DAB1: variants seen among roughly 807,000 people sequenced by gnomAD.
DAB1 encodes the protein DAB adaptor protein 1.
Under a neutral mutation model 64.6 loss-of-function variants are expected in DAB1, and 15 were observed. That is an observed-to-expected ratio of 0.23 (90% CI 0.16 to 0.36). The LOEUF is 0.36. DAB1 is among the 10% of genes least tolerant of loss of function. The pLI is 1.00. For synonymous variants in DAB1, 235 were observed against 251.9 expected, an observed-to-expected ratio of 0.93 and a Z score of 0.64; for missense variants, 596 against 706.7, an observed-to-expected ratio of 0.84 and a Z score of 1.78.
At chr1:57,610,344 G>C (rs182723653) in intron 7 of DAB1, among the ~76,000 whole-genome samples, 1 of 152,250 alleles carries the variant, frequency 6.6e-6, no homozygotes, top group South Asian at 2.1e-4. Context: ...GCACTAATCT[G>C]AGCACTGTAC....
upstream of DAB1, among the ~76,000 whole-genome samples, chr1:57,424,972 C>T (rs1472322293): frequency 6.6e-6 from 1 of 152,196 alleles, no homozygotes; most frequent in Non-Finnish European, 1.5e-5. Flanking sequence ...AGCGAGTACA[C>T]AGTCAGTTGC....
At chr1:57,618,410 CAAAA>C (rs11284763) in intron 7 of DAB1, among the ~76,000 whole-genome samples, 59,810 of 120,264 alleles carry the variant, frequency 0.5, 13,483 homozygotes, top group Admixed American at 0.57. Context: ...GTGAGACTGT[CAAAA>C]AAAAAAAAAA....
chr1:57,733,029 C>A (rs898373498), intron 6 of DAB1, among the ~76,000 whole-genome samples: 1 of 152,148 alleles, frequency 6.6e-6, no homozygotes, highest in African/African-American at 2.4e-5. Context: ...GGTGCCTACT[C>A]TTTCCAACAA....
At chr1:57,226,327 A>T (rs1216483440) in intron 2 of DAB1, among the ~76,000 whole-genome samples, 1 of 152,140 alleles carries the variant, frequency 6.6e-6, no homozygotes, top group Non-Finnish European at 1.5e-5. Context: ...GCCCAAACTA[A>T]CATCCTCCCA....
At chr1:57,250,413 C>T (rs551452978) in intron 2 of DAB1, among the ~76,000 whole-genome samples, 1 of 152,182 alleles carries the variant, frequency 6.6e-6, no homozygotes, top group African/African-American at 2.4e-5. Flanking sequence ...TGTACCTACG[C>T]GAGGAGGTAC....
intron 4 of DAB1, among the ~76,000 whole-genome samples, chr1:58,259,395 C>T (rs187330774): frequency 6.6e-6 from 1 of 152,324 alleles, no homozygotes; most frequent in East Asian, 1.9e-4. Context: ...ACCCATTGTT[C>T]AGGGCTCAGT....
chr1:57,924,063 A>G (rs1353000769), intron 5 of DAB1, among the ~76,000 whole-genome samples: 1 of 152,234 alleles, frequency 6.6e-6, no homozygotes, highest in Non-Finnish European at 1.5e-5. Flanking sequence ...AATTTTAAAC[A>G]TCAAAAAACA....
At chr1:58,116,100 T>G (rs1289308417) in intron 5 of DAB1, among the ~76,000 whole-genome samples, 1 of 152,136 alleles carries the variant, frequency 6.6e-6, no homozygotes, top group Non-Finnish European at 1.5e-5. Context: ...TGTGGCCAGG[T>G]GACACAGTTT....
chr1:58,538,998 T>C (rs1646561576), intron 1 of DAB1: 1 of 872,864 alleles, frequency 1.1e-6, no homozygotes. Flanking sequence ...CATCATTCCA[T>C]ACAGTACATT....
At chr1:58,047,364 G>A (rs969425959) in intron 5 of DAB1, among the ~76,000 whole-genome samples, 22 of 152,226 alleles carry the variant, frequency 1.4e-4, no homozygotes, top group African/African-American at 5.1e-4. Context: ...CATTTCAGGT[G>A]CCCAATAGCC....
At chr1:57,013,599 T>C (rs1272446805) in intron 12 of DAB1, among the ~76,000 whole-genome samples, 1 of 152,172 alleles carries the variant, frequency 6.6e-6, no homozygotes, top group African/African-American at 2.4e-5. Context: ...AATGGCACAA[T>C]CTAATTGTAT....
intron 4 of DAB1, among the ~76,000 whole-genome samples, chr1:57,114,621 C>G (rs186163702): frequency 2.8e-4 from 42 of 152,316 alleles, no homozygotes; most frequent in Admixed American, 7.2e-4. Flanking sequence ...AAAGGTGAGG[C>G]TTTACCAAGG....
intron 6 of DAB1, among the ~76,000 whole-genome samples, chr1:57,796,539 G>GATAATAATAATAATA (rs112123311): frequency 7.1e-4 from 105 of 146,870 alleles, no homozygotes; most frequent in African/African-American, 2.7e-3. Context: ...TAATAACAAT[G>GATAATAATAATAATA]ATAATAATAA....
chr1:58,056,429 C>T (rs746411167), intron 5 of DAB1: 37 of 1,551,712 alleles, frequency 2.4e-5, no homozygotes, highest in Admixed American at 1.5e-4. Flanking sequence ...ATAGGCTGCA[C>T]GTGGCCGCGG....
intron 2 of DAB1, among the ~76,000 whole-genome samples, chr1:57,271,784 C>T (rs368002082): frequency 5.3e-5 from 8 of 152,316 alleles, no homozygotes; most frequent in East Asian, 1.9e-4. Flanking sequence ...CTGTTCAGTA[C>T]GTGCCTCACC....
chr1:58,263,792 G>C (rs1221317475), intron 4 of DAB1, among the ~76,000 whole-genome samples: 2 of 152,130 alleles, frequency 1.3e-5, no homozygotes, highest in Admixed American at 1.3e-4. Flanking sequence ...AGAAGACTTG[G>C]TAATGCATGT....
intron 2 of DAB1, among the ~76,000 whole-genome samples, chr1:57,289,678 T>C (rs1288707578): frequency 6.6e-6 from 1 of 152,166 alleles, no homozygotes; most frequent in Admixed American, 6.6e-5. Context: ...AAAACATAAC[T>C]GGGCAGGCAC....
intron 8 of DAB1, among the ~76,000 whole-genome samples, chr1:57,068,716 G>C (rs370371585): frequency 5.3e-5 from 8 of 152,082 alleles, no homozygotes; most frequent in East Asian, 1.9e-4. Context: ...GCAGAGCTTC[G>C]CCTTCACACC....
chr1:58,416,917 G>A (rs574373843), intron 3 of DAB1, among the ~76,000 whole-genome samples: 1 of 152,288 alleles, frequency 6.6e-6, no homozygotes, highest in South Asian at 2.1e-4. Flanking sequence ...ATTAAAAAAA[G>A]AATGTAAGGT....
Sources: allele counts gnomAD v4.1 joint callset (sites outside exome capture counted in the v4.1 genomes callset), GRCh38; gene constraint gnomAD v4.1.1; transcripts MANE v1.5; gene names NCBI Gene and HGNC (gene_info 2026-07-23, HGNC 2026-07-21).